The following TAFA4 variants were observed in gnomAD, a reference collection of about 807,000 sequenced individuals.
TAFA4 encodes chemokine-like protein TAFA-4.
TAFA4 carries 20 observed loss-of-function variants against 21.1 expected under a neutral mutation model. The ratio of observed to expected loss-of-function variants is 0.95; its 90% CI spans 0.67 to 1.38. The LOEUF is 1.38. Among genes scored for constraint, TAFA4 ranks in the 40% most tolerant of loss-of-function variants. TAFA4 has a pLI of 0.00. For missense variants in TAFA4, 211 were observed against 180.9 expected (o/e 1.17, Z -0.95); for synonymous variants, 71 against 67.4 (o/e 1.05, Z -0.26).
intron 4 of TAFA4, among the ~76,000 whole-genome samples, chr3:68,745,634 T>C (rs1234112551): frequency 6.6e-6 from 1 of 152,200 alleles, no homozygotes. Context: ...AATTAGCTGT[T>C]TTGCTTCTAG....
rs10707666 is a variant in TAFA4 at position 68,904,065 on chromosome 3, TAA to T, written c.-122-18757_-122-18756del. Among the ~76,000 whole-genome samples, 1,151 of 143,136 alleles carry T rather than the reference TAA, an allele frequency of 8.0e-3. 8 individuals carry two copies. The highest frequency in any genetic ancestry group is 0.016 in the African/African-American group (643 of 39,026). The allele number at this position is 143,136 out of a possible 152,430, so 93.9% of individuals were successfully genotyped here. On this transcript the variant is annotated intron_variant, in intron 1 of 5. Transcript: ENST00000295569. ...TGTTGCAGAATGGTTTTTAGAAAGT[TAA>T]AAAAAAAAAAAAAACAATTTGCCAT... is the stretch of plus-strand genomic sequence containing the variant.
chr3:68,795,437 C>A (rs766748470), intron 3 of TAFA4, among the ~76,000 whole-genome samples: 3 of 152,062 alleles, frequency 2.0e-5, no homozygotes, highest in African/African-American at 7.2e-5. Flanking sequence ...AGATGGCCAA[C>A]GCCTTGCATT....
At chr3:68,879,403 T>C (rs1040704822) in intron 3 of TAFA4, among the ~76,000 whole-genome samples, 3 of 152,152 alleles carry the variant, frequency 2.0e-5, no homozygotes, top group Admixed American at 2.0e-4. Flanking sequence ...GATCATTAGA[T>C]AAAATTTATA....
chr3:68,849,847 A>G (rs148041962), intron 3 of TAFA4, among the ~76,000 whole-genome samples: 10 of 152,300 alleles, frequency 6.6e-5, no homozygotes, highest in African/African-American at 2.2e-4. Context: ...CAACTTCAAC[A>G]GCCCTCAACA....
At chr3:68,751,827 T>C (rs1218996058) in intron 4 of TAFA4, among the ~76,000 whole-genome samples, 1 of 152,192 alleles carries the variant, frequency 6.6e-6, no homozygotes, top group Non-Finnish European at 1.5e-5. Flanking sequence ...AGATGGTATA[T>C]TTACTATGTT....
At chr3:68,743,179 C>T (rs947062604) in intron 4 of TAFA4, among the ~76,000 whole-genome samples, 2 of 152,196 alleles carry the variant, frequency 1.3e-5, no homozygotes, top group African/African-American at 4.8e-5. Context: ...TTAAATCAGG[C>T]ATTGCCAACA....
chr3:68,885,219 C>A lies in TAFA4; in HGVS notation c.-31G>T. 3 of 1,608,592 alleles carry A rather than the reference C, an allele frequency of 1.9e-6. No individual in the cohort carries two copies. The highest frequency in any genetic ancestry group is 2.5e-6 in the Non-Finnish European group (3 of 1,177,062). The stretch of plus-strand genomic sequence containing the variant: ...GTGGTTCTAGTCAAACACACTTATT[C>A]CAGGATATATTTCAGAGTGACTCCA... On this transcript the variant is annotated 5_prime_UTR_variant, in exon 2 of 6. An upstream open reading frame in the 5' UTR gains an earlier in-frame stop. Coordinates refer to ENST00000295569, the MANE Select transcript of TAFA4 (RefSeq NM_182522.5).
At chr3:68,753,325 A>ATT (rs1702594914) in intron 3 of TAFA4, among the ~76,000 whole-genome samples, 1 of 140,254 alleles carries the variant, frequency 7.1e-6, no homozygotes, top group South Asian at 2.4e-4. Context: ...TGTGACTGAG[A>ATT]TTGATAGAGT....
chr3:68,763,980 AG>A (rs1702803872), intron 3 of TAFA4, among the ~76,000 whole-genome samples: 1 of 152,116 alleles, frequency 6.6e-6, no homozygotes, highest in Non-Finnish European at 1.5e-5. Flanking sequence ...TGTTATACTG[AG>A]ATACAACTTA....
At chr3:68,887,318 G>A (rs112302332) in intron 1 of TAFA4, among the ~76,000 whole-genome samples, 2,115 of 152,322 alleles carry the variant, frequency 0.014, 26 homozygotes, top group Middle Eastern at 0.027. Flanking sequence ...CAGGAATTAG[G>A]TTGCCAATGC....
intron 1 of TAFA4, among the ~76,000 whole-genome samples, chr3:68,905,207 T>C (rs565724080): frequency 1.5e-5 from 2 of 136,472 alleles, no homozygotes; most frequent in East Asian, 4.4e-4. Flanking sequence ...CAGGCTAGAG[T>C]GCAAGTGGTG....
intron 3 of TAFA4, among the ~76,000 whole-genome samples, chr3:68,753,323 A>AGATT (rs1237765893): frequency 2.1e-5 from 3 of 141,434 alleles, no homozygotes; most frequent in Admixed American, 7.3e-5. Flanking sequence ...GATGTGACTG[A>AGATT]GATTGATAGA....
intron 3 of TAFA4, among the ~76,000 whole-genome samples, chr3:68,830,588 G>A (rs1704359416): frequency 6.6e-6 from 1 of 152,178 alleles, no homozygotes; most frequent in African/African-American, 2.4e-5. Flanking sequence ...TACATTTGCT[G>A]AAGAGTGTTT....
chr3:68,743,327 G>A (rs1023607392), intron 4 of TAFA4, among the ~76,000 whole-genome samples: 2 of 152,130 alleles, frequency 1.3e-5, no homozygotes, highest in Admixed American at 6.5e-5. Context: ...TGTAATCCCA[G>A]CACTTTGGAA....
chr3:68,826,527 C>T (rs1207409955), intron 3 of TAFA4, among the ~76,000 whole-genome samples: 3 of 147,200 alleles, frequency 2.0e-5, no homozygotes, highest in Non-Finnish European at 4.4e-5. Flanking sequence ...GAGCCGAGAT[C>T]GCGCCACCGC....
At chr3:68,887,395 T>C (rs1697906465) in intron 1 of TAFA4, among the ~76,000 whole-genome samples, 1 of 151,906 alleles carries the variant, frequency 6.6e-6, no homozygotes, top group Non-Finnish European at 1.5e-5. Context: ...TGGGTTGGAG[T>C]CCTATGCCTG....
intron 3 of TAFA4, among the ~76,000 whole-genome samples, chr3:68,816,827 A>ATAACTTTATGTCTAAAATTCAG (rs1431289448): frequency 1.3e-5 from 2 of 152,206 alleles, no homozygotes; most frequent in African/African-American, 4.8e-5. Flanking sequence ...AGTCTATTCA[A>ATAACTTTATGTCTAAAATTCAG]TAACTTTATG....
intron 5 of TAFA4, among the ~76,000 whole-genome samples, chr3:68,738,169 A>C (rs1702277184): frequency 6.6e-6 from 1 of 152,192 alleles, no homozygotes; most frequent in South Asian, 2.1e-4. Flanking sequence ...TTAGCCAGAA[A>C]AGAAAGGAGG....
chr3:68,928,883 A>G (rs1219017482), intron 1 of TAFA4, among the ~76,000 whole-genome samples: 2 of 152,004 alleles, frequency 1.3e-5, no homozygotes, highest in Admixed American at 1.3e-4. Flanking sequence ...GTAGGACAAC[A>G]CCTCCTACCC....
Sources: gnomAD v4.1 joint callset for allele counts (sites outside exome capture counted in the v4.1 genomes callset) on GRCh38, gnomAD v4.1.1 for gene constraint, MANE v1.5 for transcripts, NCBI Gene and HGNC (gene_info 2026-07-23, HGNC 2026-07-21) for gene names.